The following PTPN13 variants were observed in gnomAD, a reference collection of about 807,000 sequenced individuals.
PTPN13 encodes the protein protein tyrosine phosphatase non-receptor type 13.
Under a neutral mutation model 284.0 loss-of-function variants are expected in PTPN13, and 191 were observed. That is an observed-to-expected ratio of 0.67 (90% CI 0.60 to 0.76). The LOEUF is 0.76. Ranked by LOEUF, PTPN13 falls within the 30% of genes least tolerant of loss-of-function variation. The pLI is 0.00. For missense variants in PTPN13, 2,797 were observed against 2,939.9 expected, an observed-to-expected ratio of 0.95 and a Z score of 1.12; for synonymous variants, 986 against 1,022.3, an observed-to-expected ratio of 0.96 and a Z score of 0.68.
intron 1 of PTPN13, among the ~76,000 whole-genome samples, chr4:86,630,280 A>G (rs975235502): frequency 6.6e-6 from 1 of 152,134 alleles, no homozygotes; most frequent in African/African-American, 2.4e-5. Flanking sequence ...TACCCAAATA[A>G]GTCTTCTAAT....
rs1736195317 is a variant in PTPN13, at chr4:86,741,769, T to G, written c.2440T>G (p.Leu814Val). ...TGAAGTTCACAATGGAGTGCGCACA[T>G]TGGTCCTTCGCTTTCCATGGAGGGA... ...VFEVHNGVRT[L>V]VLRFPWRETK... The change falls in exon 16 of 48, where the codon TTG (leucine) becomes GTG (valine). Residue 814 changes from leucine to valine, a missense_variant. By Grantham distance (32) the Leu-to-Val change is conservative. Coordinates refer to ENST00000411767, the MANE Select transcript of PTPN13 (RefSeq NM_080683.3). 6 of 1,612,306 alleles carry G rather than the reference T, an allele frequency of 3.7e-6. No individual in the cohort carries two copies. In the South Asian group the frequency reaches 5.5e-5, roughly 15 times the overall value.
chr4:86,811,016 A>C (rs571393363), intron 46 of PTPN13, 30 bp from the exon 47 acceptor site: 1 of 1,597,362 alleles, frequency 6.3e-7, no homozygotes, highest in Non-Finnish European at 8.6e-7. Context: ...TATCCTTTGA[A>C]TCTAACACAT....
At chr4:86,615,312 G>C (rs990170481) in intron 1 of PTPN13, among the ~76,000 whole-genome samples, 2 of 152,190 alleles carry the variant, frequency 1.3e-5, no homozygotes, top group East Asian at 1.9e-4. Flanking sequence ...GAACCATAAA[G>C]ATGGTCAAAT....
chr4:86,601,054 C>A (rs567358485), intron 1 of PTPN13, among the ~76,000 whole-genome samples: 3 of 151,986 alleles, frequency 2.0e-5, no homozygotes, highest in Non-Finnish European at 4.4e-5. Flanking sequence ...ATGCTGATTT[C>A]TCTGCCTGGT....
chr4:86,659,466 T>A (rs1033681610), intron 2 of PTPN13, among the ~76,000 whole-genome samples: 1 of 152,204 alleles, frequency 6.6e-6, no homozygotes, highest in African/African-American at 2.4e-5. Flanking sequence ...TCATCTGAAA[T>A]TAAATTTTAA....
intron 41 of PTPN13, among the ~76,000 whole-genome samples, 152 bp downstream of exon 41, chr4:86,797,081 A>G (rs1330119477): frequency 1.3e-5 from 2 of 152,322 alleles, no homozygotes; most frequent in Non-Finnish European, 1.5e-5. Flanking sequence ...TTTTCGGGCC[A>G]GGTGCGGTGG....
chr4:86,655,520 T>C (rs1190685788), intron 2 of PTPN13, among the ~76,000 whole-genome samples: 1 of 152,216 alleles, frequency 6.6e-6, no homozygotes, highest in African/African-American at 2.4e-5. Flanking sequence ...TGGCTGGATA[T>C]GAAATTCTGG....
chr4:86,640,879 G>C (rs577971754), intron 2 of PTPN13, among the ~76,000 whole-genome samples: 1 of 152,296 alleles, frequency 6.6e-6, no homozygotes, highest in East Asian at 1.9e-4. Flanking sequence ...ATACTGTCCA[G>C]TAGGAGCTGG....
At chr4:86,680,315 T>C (rs1360365528) in intron 3 of PTPN13, among the ~76,000 whole-genome samples, 2 of 152,102 alleles carry the variant, frequency 1.3e-5, no homozygotes, top group African/African-American at 2.4e-5. Flanking sequence ...TTGACTCTCA[T>C]CTTTCCATGT....
chr4:86,596,031 C>T (rs1019075416), intron 1 of PTPN13, among the ~76,000 whole-genome samples: 1 of 152,114 alleles, frequency 6.6e-6, no homozygotes, highest in Admixed American at 6.5e-5. Flanking sequence ...TAAATTCATA[C>T]ATATATTGAT....
intron 2 of PTPN13, among the ~76,000 whole-genome samples, chr4:86,664,893 C>A (rs1328662849): frequency 6.6e-6 from 1 of 151,912 alleles, no homozygotes; most frequent in Non-Finnish European, 1.5e-5. Context: ...TTCCCTCTAT[C>A]CACGTTGTCC....
intron 1 of PTPN13, among the ~76,000 whole-genome samples, chr4:86,610,534 G>A (rs1320750616): frequency 6.6e-6 from 1 of 152,250 alleles, no homozygotes; most frequent in Non-Finnish European, 1.5e-5. Flanking sequence ...ACAATAATGA[G>A]TGATGAAAAC....
intron 3 of PTPN13, among the ~76,000 whole-genome samples, chr4:86,681,151 G>A (rs570563156): frequency 6.6e-6 from 1 of 152,240 alleles, no homozygotes; most frequent in African/African-American, 2.4e-5. Flanking sequence ...ATACCCCTCT[G>A]CTTTAAGTTT....
At chr4:86,770,070 T>A (rs753804887) in intron 29 of PTPN13, 31 bp from the exon 30 acceptor site, 1 of 1,611,382 alleles carries the variant, frequency 6.2e-7, no homozygotes, top group Non-Finnish European at 8.5e-7. Context: ...GGTTTAACTG[T>A]ACCTTCATTT....
At chr4:86,608,826 C>T (rs886799641) in intron 1 of PTPN13, among the ~76,000 whole-genome samples, 3 of 152,126 alleles carry the variant, frequency 2.0e-5, no homozygotes, top group Non-Finnish European at 4.4e-5. Flanking sequence ...TAGTTTATGA[C>T]CAAGTCTTCA....
intron 1 of PTPN13, among the ~76,000 whole-genome samples, chr4:86,613,396 G>A (rs1720151596): frequency 6.6e-6 from 1 of 152,130 alleles, no homozygotes; most frequent in Admixed American, 6.5e-5. Flanking sequence ...AACACTTTGG[G>A]AGGCCGAGGC....
At chr4:86,743,838 G>A (rs947679937) in intron 16 of PTPN13, among the ~76,000 whole-genome samples, 4 of 152,038 alleles carry the variant, frequency 2.6e-5, no homozygotes, top group African/African-American at 7.2e-5. Flanking sequence ...GACTATTTCC[G>A]TATTTGAAGT....
In PTPN13 at chr4:86,814,497, G is replaced by C. The variant is rs749815306; in HGVS notation, c.7404G>C (p.Leu2468=). The C allele has an allele frequency of 2.5e-6, 4 of 1,612,524 alleles. No individual in the cohort carries two copies. Among genetic ancestry groups the C allele is most frequent in the Non-Finnish European group, 3.4e-6 (4 of 1,179,514 alleles). The change falls in exon 48 of 48, where the codon CTG becomes CTC. Residue 2468 remains leucine, a synonymous_variant. Coordinates refer to ENST00000411767, the MANE Select transcript of PTPN13 (RefSeq NM_080683.3). The part of the protein sequence containing the change: ...IFCYQVILYV[L]TRLQAEEEQK... ...GCTATCAAGTCATCCTTTATGTCCT[G>C]ACACGTCTTCAAGCAGAAGAAGAGC...
chr4:86,635,723 G>A (rs1449219518), intron 2 of PTPN13, among the ~76,000 whole-genome samples: 4 of 152,100 alleles, frequency 2.6e-5, no homozygotes, highest in Non-Finnish European at 4.4e-5. Context: ...CAGCACTTTG[G>A]GAGGCTGAGG....
Sources: allele counts gnomAD v4.1 joint callset (sites outside exome capture counted in the v4.1 genomes callset), GRCh38; gene constraint gnomAD v4.1.1; transcripts MANE v1.5; gene names NCBI Gene and HGNC (gene_info 2026-07-23, HGNC 2026-07-21).